The following COL23A1 variants were observed in gnomAD, a reference collection of about 807,000 sequenced individuals.
COL23A1 encodes collagen alpha-1(XXIII) chain.
Under a neutral mutation model 99.3 loss-of-function variants are expected in COL23A1, and 97 were observed. That is an observed-to-expected ratio of 0.98 (90% CI 0.83 to 1.16). The LOEUF (loss-of-function observed/expected upper bound fraction) is 1.16, where lower values mean the gene tolerates loss of function less well. Ranked by LOEUF, COL23A1 falls within the 50% of genes most tolerant of loss-of-function variation. The probability of loss-of-function intolerance (pLI) is 0.00; values close to 1 mark genes in which losing one functional copy is unlikely to be tolerated. For missense variants in COL23A1, 762 were observed against 757.4 expected (o/e 1.01, Z -0.07); for synonymous variants, 320 against 308.2 (o/e 1.04, Z -0.40).
rs545802526 is a variant in COL23A1, at chr5:178,452,763, A to T, written c.361+107919T>A. Reference sequence around the variant, plus strand: ...CTCCAAGACACAATTTTTTACCCAAAAGAATGGCCCAGATCCAATACCTGT... The same window carrying T: ...CTCCAAGACACAATTTTTTACCCAATAGAATGGCCCAGATCCAATACCTGT... On this transcript the variant is annotated intron_variant, in intron 2 of 28. Coordinates refer to ENST00000390654, the MANE Select transcript of COL23A1 (RefSeq NM_173465.4). Among the ~76,000 whole-genome samples the T allele has an allele frequency of 1.3e-3, 203 of 152,294 alleles. 1 individual carries two copies. The highest frequency in any genetic ancestry group is 4.6e-3 in the African/African-American group (193 of 41,572).
chr5:178,399,867 C>T (rs566887073), intron 2 of COL23A1, among the ~76,000 whole-genome samples: 7 of 152,172 alleles, frequency 4.6e-5, no homozygotes, highest in Non-Finnish European at 8.8e-5. Flanking sequence ...GTTAGAATAA[C>T]GACGGCCGCA....
At chr5:178,241,354 A>C (rs1450178050) in intron 27 of COL23A1, among the ~76,000 whole-genome samples, 1 of 152,034 alleles carries the variant, frequency 6.6e-6, no homozygotes, top group Non-Finnish European at 1.5e-5. Flanking sequence ...GTGTGGGGGT[A>C]GGCAGAGGGG....
At chr5:178,247,943 G>C in intron 20 of COL23A1, 112 bp from the exon 21 acceptor site, 1 of 984,866 alleles carries the variant, frequency 1.0e-6, no homozygotes, top group East Asian at 2.6e-5. Flanking sequence ...CCCCCCAGAG[G>C]GCAGAGTCTG....
At position 178,384,615 on chromosome 5, in the gene COL23A1, C is replaced by CA. The variant is rs1763570317; in HGVS notation, c.362-77697dup. 6.6e-6 allele frequency among the ~76,000 whole-genome samples: 1 copy of CA among 152,204 alleles called. No homozygotes were observed. The highest frequency in any genetic ancestry group is 2.1e-4 in the South Asian group (1 of 4,832). On this transcript the variant is annotated intron_variant, in intron 2 of 28. Coordinates refer to ENST00000390654, the MANE Select transcript of COL23A1 (RefSeq NM_173465.4). The surrounding 1 kb of genome is among the most constrained non-coding windows in gnomAD (Gnocchi z 5.5). ...TCCTGCCTCAGAGATCACGGTTTGA[C>CA]ATGGGAAACCAAGGCTCAGAGGGGG...
intron 2 of COL23A1, among the ~76,000 whole-genome samples, chr5:178,377,547 C>T (rs112340770): frequency 1.3e-5 from 2 of 152,330 alleles, no homozygotes; most frequent in African/African-American, 2.4e-5. Flanking sequence ...CCTCTGCCAC[C>T]GGCCATGTGT....
At chr5:178,537,469 G>C (rs1761038453) in intron 2 of COL23A1, among the ~76,000 whole-genome samples, 1 of 152,232 alleles carries the variant, frequency 6.6e-6, no homozygotes, top group African/African-American at 2.4e-5. Flanking sequence ...CCGAGGAGAG[G>C]AGAACAGTGT....
chr5:178,332,029 C>G (rs1363172205), intron 2 of COL23A1, among the ~76,000 whole-genome samples: 1 of 152,196 alleles, frequency 6.6e-6, no homozygotes, highest in African/African-American at 2.4e-5. Flanking sequence ...GACCTTCTCT[C>G]TGAGCTGGGC....
At chr5:178,558,735 T>A (rs1762406159) in intron 2 of COL23A1, among the ~76,000 whole-genome samples, 1 of 151,706 alleles carries the variant, frequency 6.6e-6, no homozygotes, top group African/African-American at 2.4e-5. Flanking sequence ...ATTTTGCAGA[T>A]CATCTAAAAA....
At chr5:178,442,510 C>A (rs573642458) in intron 2 of COL23A1, among the ~76,000 whole-genome samples, 3 of 152,206 alleles carry the variant, frequency 2.0e-5, no homozygotes, top group Non-Finnish European at 2.9e-5. Context: ...TAGGCCCGAG[C>A]GTCTCCCTCC....
chr5:178,390,488 C>T (rs1264571535), intron 2 of COL23A1, among the ~76,000 whole-genome samples: 7 of 152,218 alleles, frequency 4.6e-5, no homozygotes, highest in African/African-American at 1.7e-4. Flanking sequence ...ACAGAACCCC[C>T]TCATGTTCTC....
chr5:178,356,510 G>C (rs1761662184), intron 2 of COL23A1, among the ~76,000 whole-genome samples: 1 of 152,194 alleles, frequency 6.6e-6, no homozygotes, highest in Non-Finnish European at 1.5e-5. Flanking sequence ...AGGGGCCTGA[G>C]CCCTGGAGGC....
Position 178,334,589 on chromosome 5 carries a change from T to A in COL23A1, c.362-27670A>T, listed in dbSNP as rs543495341. On this transcript the variant is annotated intron_variant, in intron 2 of 28. Coordinates refer to ENST00000390654, the MANE Select transcript of COL23A1 (RefSeq NM_173465.4). ...AGTGTTACCTAGCGGCACCCATGGT[T>A]TGATTTCCCCAAGTTGTGTGTTCCC... Among the ~76,000 whole-genome samples, 5 of 152,348 alleles carry A rather than the reference T, an allele frequency of 3.3e-5. No individual in the cohort carries two copies. The East Asian group carries it at 7.7e-4, about 24-fold the overall frequency.
intron 2 of COL23A1, among the ~76,000 whole-genome samples, chr5:178,370,414 A>C (rs1271185473): frequency 6.6e-6 from 1 of 152,250 alleles, no homozygotes; most frequent in Non-Finnish European, 1.5e-5. Flanking sequence ...AGCCAGGCAC[A>C]GAAAGACAAA....
intron 2 of COL23A1, among the ~76,000 whole-genome samples, chr5:178,408,875 A>T (rs1055152590): frequency 6.6e-6 from 1 of 151,194 alleles, no homozygotes; most frequent in Non-Finnish European, 1.5e-5. Context: ...GAATCACTTG[A>T]ACTTGGGAGT....
chr5:178,590,260 G>C lies in COL23A1; in HGVS notation c.-63C>G. On this transcript the variant is annotated 5_prime_UTR_variant, in exon 1 of 29. Transcript: ENST00000390654. The surrounding 1 kb of genome is among the most constrained non-coding windows in gnomAD (Gnocchi z 5.7). ...TGCTGCTGGGGCAGAGGCTGGGTGC[G>C]AGAGGAGCAGGCGGGACAGCCCGAG... The C allele has an allele frequency of 8.5e-7, 1 of 1,183,214 alleles. No homozygotes were observed. Among genetic ancestry groups the C allele is most frequent in the Non-Finnish European group, 1.0e-6 (1 of 953,374 alleles). The allele number at this position is 1,183,214 out of a possible 1,614,324, so 73.3% of individuals were successfully genotyped here. A position where few individuals can be genotyped will look rare whatever the true frequency, so the allele number is the denominator to read the frequency against.
chr5:178,470,945 A>G (rs1756712830), intron 2 of COL23A1, among the ~76,000 whole-genome samples: 1 of 152,140 alleles, frequency 6.6e-6, no homozygotes, highest in Non-Finnish European at 1.5e-5. Context: ...TTCCTTCCAT[A>G]GACTTACTGT....
At chr5:178,380,865 G>A (rs1227589562) in intron 2 of COL23A1, among the ~76,000 whole-genome samples, 1 of 152,214 alleles carries the variant, frequency 6.6e-6, no homozygotes, top group African/African-American at 2.4e-5. Context: ...GGCAGCGGGT[G>A]TGGGGACAGC....
chr5:178,274,133 T>C (rs1756450888), intron 5 of COL23A1, among the ~76,000 whole-genome samples: 1 of 152,358 alleles, frequency 6.6e-6, no homozygotes, highest in East Asian at 1.9e-4. Context: ...TGCAGGGCTG[T>C]CTGAGCCGTC....
chr5:178,553,062 A>G (rs1032195072), intron 2 of COL23A1, among the ~76,000 whole-genome samples: 8 of 151,634 alleles, frequency 5.3e-5, no homozygotes, highest in Non-Finnish European at 1.2e-4. Context: ...CCCAGCTATT[A>G]TCCCGGCTGA....
Sources: gnomAD v4.1 joint callset for allele counts (sites outside exome capture counted in the v4.1 genomes callset) on GRCh38, gnomAD v4.1.1 for gene constraint, Gnocchi (gnomAD v3.1) non-coding constraint, MANE v1.5 for transcripts, NCBI Gene and HGNC (gene_info 2026-07-23, HGNC 2026-07-21) for gene names.